The following FAM83F variants were observed in gnomAD, a reference collection of about 807,000 sequenced individuals.
FAM83F encodes the protein protein FAM83F.
A neutral mutation model predicts 42.9 loss-of-function variants in FAM83F; 45 were observed. The observed-to-expected ratio is 1.05, with a 90% confidence interval of 0.83 to 1.35. The LOEUF (loss-of-function observed/expected upper bound fraction) is 1.35. Ranked by LOEUF, FAM83F falls within the 40% of genes most tolerant of loss-of-function variation. FAM83F has a pLI of 0.00. For missense variants in FAM83F, 617 were observed against 695.9 expected (o/e 0.89, Z 1.28); for synonymous variants, 306 against 298.3 (o/e 1.03, Z -0.27).
Position 39,995,317 on chromosome 22 carries a change from A to AGGCCCC in FAM83F, c.276_281dup (p.Pro98_Ala99dup). 1 of 1,538,408 alleles carries AGGCCCC rather than the reference A, an allele frequency of 6.5e-7. No individual in the cohort carries two copies. The highest frequency in any genetic ancestry group is 8.7e-7 in the Non-Finnish European group (1 of 1,145,826). On this transcript the variant is annotated inframe_insertion, in exon 1 of 5. Coordinates refer to ENST00000333407, the MANE Select transcript of FAM83F (RefSeq NM_138435.4). This position sits in a 1 kb window ranked among gnomAD's most constrained non-coding sequence, Gnocchi z 4.6. ...CGGGGCAAGAGCAAGGCCAAGGCCA[A>AGGCCCC]GGCCCCCGCGCCGGCGCCGGCTGAG...
intron 1 of FAM83F, among the ~76,000 whole-genome samples, chr22:40,002,557 A>G (rs2067408081): frequency 6.6e-6 from 1 of 152,166 alleles, no homozygotes; most frequent in African/African-American, 2.4e-5. Flanking sequence ...AGTCCAGGCC[A>G]CTGGCGGGTG....
At chr22:40,016,214 T>C (rs77886750) in intron 1 of FAM83F, among the ~76,000 whole-genome samples, 2 of 152,306 alleles carry the variant, frequency 1.3e-5, no homozygotes, top group South Asian at 4.1e-4. Flanking sequence ...TTATTTTTTT[T>C]TGAGATAGAG....
chr22:40,019,113 T>C, intron 1 of FAM83F, 55 bp from the exon 2 acceptor site: 1 of 1,596,928 alleles, frequency 6.3e-7, no homozygotes, highest in Non-Finnish European at 8.5e-7. Flanking sequence ...GAGCAGGGCA[T>C]GCCTCTGTGG....
chr22:40,001,624 G>A (rs1361460769), intron 1 of FAM83F, among the ~76,000 whole-genome samples: 1 of 152,008 alleles, frequency 6.6e-6, no homozygotes, highest in Non-Finnish European at 1.5e-5. Flanking sequence ...TCCAGCCTGG[G>A]TGCCAGAGTG....
At chr22:40,014,980 C>CA in intron 1 of FAM83F, among the ~76,000 whole-genome samples, 1 of 152,284 alleles carries the variant, frequency 6.6e-6, no homozygotes, top group East Asian at 1.9e-4. Flanking sequence ...CAGGAAACAG[C>CA]CTAGAGTGCA....
chr22:39,995,566 C>T lies in FAM83F; in HGVS notation c.489+35C>T. The T allele has an allele frequency of 6.6e-7, 1 of 1,512,680 alleles. No homozygotes were observed. Among genetic ancestry groups the T allele is most frequent in the East Asian group, 2.5e-5 (1 of 40,458 alleles). The allele number at this position is 1,512,680 out of a possible 1,614,324, so 93.7% of individuals were successfully genotyped here. On this transcript the variant is annotated intron_variant, in intron 1 of 4. Coordinates refer to ENST00000333407, the MANE Select transcript of FAM83F (RefSeq NM_138435.4). This position sits in a 1 kb window ranked among gnomAD's most constrained non-coding sequence, Gnocchi z 4.6. ...CGCCTTCGCCCCCACACCGCTGGGA[C>T]CTCGGCCCCAGTCCCCTGGACCGGG...
Position 40,021,950 on chromosome 22 carries a change from T to G in FAM83F, c.1440T>G (p.Ser480Arg), listed in dbSNP as rs2067525954. 2.6e-6 allele frequency: 4 copies of G among 1,560,092 alleles called. No homozygotes were observed. The highest frequency in any genetic ancestry group is 3.5e-6 in the Non-Finnish European group (4 of 1,152,248). Residue 480 changes from serine to arginine, a missense_variant, in exon 4 of 5, where the codon AGT becomes AGG. Transcript: ENST00000333407. This position sits in a 1 kb window ranked among gnomAD's most constrained non-coding sequence, Gnocchi z 8.7. ...GGAAGAGGCCCAACGAGAATTCCAG[T>G]GCTGACATCTCAGGTGAGCCCTCTT... The part of the protein sequence containing the change: ...LTGKRPNENS[S>R]ADISGKTSPS...
At chr22:40,028,881 G>C (rs571654762) in intron 4 of FAM83F, among the ~76,000 whole-genome samples, 8 of 152,212 alleles carry the variant, frequency 5.3e-5, no homozygotes, top group African/African-American at 1.9e-4. Context: ...CAGCCTAGGC[G>C]GCCTGTGGCG....
At chr22:40,029,101 G>A (rs1601774376) in intron 4 of FAM83F, among the ~76,000 whole-genome samples, 2 of 148,986 alleles carry the variant, frequency 1.3e-5, no homozygotes, top group African/African-American at 5.0e-5. Context: ...GTGTGTGTGT[G>A]TGTGTGTGTG....
chr22:40,035,665 T>C lies in FAM83F; in HGVS notation c.*6100T>C, dbSNP rs961992140. 2 of 152,300 alleles carry C rather than the reference T, an allele frequency of 1.3e-5. No individual in the cohort carries two copies. The highest frequency in any genetic ancestry group is 4.8e-5 in the African/African-American group (2 of 41,464). The allele number at this position is 152,300 out of a possible 1,614,324, so 9.4% of individuals were successfully genotyped here. ...GGCTTCAGAACAGGCAGGCAAGGGC[T>C]GAAATCCTATCTCTGCCACCGAACA... is the stretch of plus-strand genomic sequence containing the variant. On this transcript the variant is annotated 3_prime_UTR_variant, in exon 5 of 5. Coordinates refer to ENST00000333407, the MANE Select transcript of FAM83F (RefSeq NM_138435.4).
At position 39,994,993 on chromosome 22, in the gene FAM83F, T is replaced by G. The variant is rs1168760306; in HGVS notation, c.-50T>G. On this transcript the variant is annotated 5_prime_UTR_variant, in exon 1 of 5. Coordinates refer to ENST00000333407, the MANE Select transcript of FAM83F (RefSeq NM_138435.4). ...CGGCTCCAGGTGCGGCTGTGGGACC[T>G]CGGACCGCGGCGGGGCCGGGGCCAG... 4 of 1,212,394 alleles carry G rather than the reference T, an allele frequency of 3.3e-6. No individual in the cohort carries two copies. The highest frequency in any genetic ancestry group is 2.0e-5 in the African/African-American group (1 of 48,866). 75.1% of individuals were successfully genotyped at this position (1,212,394 alleles called of 1,614,324 possible).
At chr22:40,024,887 A>T (rs1313819930) in intron 4 of FAM83F, among the ~76,000 whole-genome samples, 7 of 152,274 alleles carry the variant, frequency 4.6e-5, no homozygotes, top group Admixed American at 4.6e-4. Flanking sequence ...AACCTTAGGG[A>T]AGTTGCTTCC....
At chr22:40,018,738 C>A (rs970884305) in intron 1 of FAM83F, among the ~76,000 whole-genome samples, 1 of 152,090 alleles carries the variant, frequency 6.6e-6, no homozygotes, top group African/African-American at 2.4e-5. Flanking sequence ...ATTACAGGTG[C>A]CCGCTACCAT....
At position 40,039,074 on chromosome 22, in the gene FAM83F, T is replaced by A. The variant is rs1337364861; in HGVS notation, c.*9509T>A. The A allele has an allele frequency of 6.6e-6, 1 of 152,218 alleles. No individual in the cohort carries two copies. The highest frequency in any genetic ancestry group is 2.4e-5 in the African/African-American group (1 of 41,436). The allele number at this position is 152,218 out of a possible 1,614,324, so 9.4% of individuals were successfully genotyped here. A position where few individuals can be genotyped will look rare whatever the true frequency, so the allele number is the denominator to read the frequency against. On this transcript the variant is annotated 3_prime_UTR_variant, in exon 5 of 5. Transcript: ENST00000333407. ...AACCTGTGAACACAGAACCCCATGC[T>A]TTCATTTTCCACTTAGTCCTGCCTG...
intron 1 of FAM83F, among the ~76,000 whole-genome samples, chr22:40,010,525 G>C (rs542566218): frequency 6.6e-6 from 1 of 152,284 alleles, no homozygotes; most frequent in East Asian, 1.9e-4. Flanking sequence ...AGTCCGACTC[G>C]CGAAAGCCAG....
chr22:40,026,117 C>T (rs146476271), intron 4 of FAM83F, among the ~76,000 whole-genome samples: 167 of 152,348 alleles, frequency 1.1e-3, no homozygotes, highest in African/African-American at 3.3e-3. Flanking sequence ...GCCCTGTGTC[C>T]GTGGCTGCCC....
At chr22:40,005,654 A>G (rs936626594) in intron 1 of FAM83F, among the ~76,000 whole-genome samples, 5 of 152,194 alleles carry the variant, frequency 3.3e-5, no homozygotes, top group African/African-American at 4.8e-5. Context: ...GCCTCACTGG[A>G]TCAGCTCGAC....
At chr22:40,017,018 C>T in intron 1 of FAM83F, among the ~76,000 whole-genome samples, 1 of 152,038 alleles carries the variant, frequency 6.6e-6, no homozygotes. Flanking sequence ...GTCTCTGATT[C>T]CTCAGATAAA....
In FAM83F at chr22:39,998,477, A is replaced by G. The variant is rs1050349023; in HGVS notation, c.489+2946A>G. On this transcript the variant is annotated intron_variant, in intron 1 of 4. Coordinates refer to ENST00000333407, the MANE Select transcript of FAM83F (RefSeq NM_138435.4). ...GATTCTATACCTGGTACTCAGGGATATGGAGAAAGGAGCCTAATTAGGAGA... is the reference window on the plus strand; with the variant it reads ...GATTCTATACCTGGTACTCAGGGATGTGGAGAAAGGAGCCTAATTAGGAGA... Among the ~76,000 whole-genome samples the G allele has an allele frequency of 2.0e-5, 3 of 149,506 alleles. No individual in the cohort carries two copies. The East Asian group carries it at 6.1e-4, about 30-fold the overall frequency.
Sources: allele counts gnomAD v4.1 joint callset (sites outside exome capture counted in the v4.1 genomes callset), GRCh38; gene constraint gnomAD v4.1.1; non-coding constraint Gnocchi (gnomAD v3.1); transcripts MANE v1.5; gene names NCBI Gene and HGNC (gene_info 2026-07-23, HGNC 2026-07-21).